Variants in PARD6G observed in about 807,000 individuals in gnomAD.
The protein encoded by PARD6G is partitioning defective 6 homolog gamma.
Under a neutral mutation model 10.7 loss-of-function variants are expected in PARD6G, and 7 were observed. That is an observed-to-expected ratio of 0.66 (90% CI 0.37 to 1.23). The LOEUF (loss-of-function observed/expected upper bound fraction) is 1.23, where lower values mean the gene tolerates loss of function less well. Among genes scored for constraint, PARD6G ranks in the 50% most tolerant of loss-of-function variants. PARD6G has a pLI of 0.02. For synonymous variants in PARD6G, 287 were observed against 269.4 expected, an observed-to-expected ratio of 1.07 and a Z score of -0.64; for missense variants, 548 against 571.8, an observed-to-expected ratio of 0.96 and a Z score of 0.42.
chr18:80,191,608 T>G (rs1447709394), intron 2 of PARD6G, among the ~76,000 whole-genome samples: 1 of 152,196 alleles, frequency 6.6e-6, no homozygotes, highest in African/African-American at 2.4e-5. Flanking sequence ...ACAAGAAATT[T>G]TCTTGAAAAA....
At chr18:80,216,171 A>G (rs1286152662) in intron 1 of PARD6G, among the ~76,000 whole-genome samples, 1 of 152,198 alleles carries the variant, frequency 6.6e-6, no homozygotes, top group African/African-American at 2.4e-5. Context: ...CAGTTCAACA[A>G]TAAATGTTGG....
chr18:80,196,890 TA>T (rs572719232), intron 2 of PARD6G, among the ~76,000 whole-genome samples: 2,915 of 88,048 alleles, frequency 0.033, 58 homozygotes, highest in African/African-American at 0.086. Flanking sequence ...TTTCTTTTAT[TA>T]AAAAAAAAAA....
At chr18:80,216,515 A>G (rs572653524) in intron 1 of PARD6G, among the ~76,000 whole-genome samples, 9 of 152,146 alleles carry the variant, frequency 5.9e-5, no homozygotes, top group Non-Finnish European at 1.3e-4. Context: ...ACCCCTAAAT[A>G]ACCTATGGAA....
chr18:80,178,593 G>T (rs1367231414), intron 2 of PARD6G, among the ~76,000 whole-genome samples: 4 of 152,196 alleles, frequency 2.6e-5, no homozygotes, highest in Admixed American at 2.0e-4. Context: ...CTCCGACCAT[G>T]GCACTTTGGT....
At chr18:80,172,379 C>CTT (rs796958659) in intron 2 of PARD6G, among the ~76,000 whole-genome samples, 29 of 134,906 alleles carry the variant, frequency 2.1e-4, no homozygotes, top group African/African-American at 3.8e-4. Context: ...GGTTGTATGT[C>CTT]TTTTTTTTTT....
intron 1 of PARD6G, among the ~76,000 whole-genome samples, chr18:80,238,507 T>C (rs574747760): frequency 5.3e-5 from 8 of 151,260 alleles, no homozygotes; most frequent in African/African-American, 1.5e-4. Flanking sequence ...AAAAAACAAC[T>C]ATTTTTTTAA....
chr18:80,161,922 T>G lies in PARD6G; in HGVS notation c.296-1316A>C, dbSNP rs2052703228. The stretch of plus-strand genomic sequence containing the variant: ...GATGGGGAATGCTGGTTGACAGTTC[T>G]GGAAAGGACTCGAAGACAAATTACT... On this transcript the variant is annotated intron_variant, in intron 2 of 2. Coordinates refer to ENST00000353265, the MANE Select transcript of PARD6G (RefSeq NM_032510.4). The surrounding 1 kb of genome is among the most constrained non-coding windows in gnomAD (Gnocchi z 4.6). 1 of 152,316 alleles carries G rather than the reference T, an allele frequency of 6.6e-6. No individual in the cohort carries two copies. The highest frequency in any genetic ancestry group is 1.5e-5 in the Non-Finnish European group (1 of 68,112). 9.4% of individuals were successfully genotyped at this position (152,316 alleles called of 1,614,324 possible).
intron 2 of PARD6G, among the ~76,000 whole-genome samples, chr18:80,174,688 C>T (rs1056234781): frequency 3.9e-5 from 6 of 152,150 alleles, no homozygotes; most frequent in Non-Finnish European, 8.8e-5. Flanking sequence ...GGTGCGGTGG[C>T]TCACGCCTGT....
Position 80,247,294 on chromosome 18 carries a change from C to T in PARD6G, c.55G>A (p.Val19Met). The T allele has an allele frequency of 6.3e-7, 1 of 1,582,726 alleles. No homozygotes were observed. Among genetic ancestry groups the T allele is most frequent in the Non-Finnish European group, 8.6e-7 (1 of 1,165,414 alleles). ...QTLRFYDCSA[V>M]EVKSKFGAEF... ...GGGCTTACCTTGCTCTTGACTTCCA[C>T]TGCGCTGCAATCGTAGAATCGCAAG... The change falls in exon 1 of 3, where the codon GTG becomes ATG. Residue 19 changes from valine to methionine, a missense_variant. By Grantham distance (21) the Val-to-Met change is conservative. This residue lies in a region of PARD6G where 235 missense variants were observed against 291.9 expected (regional missense o/e 0.81). Coordinates refer to ENST00000353265, the MANE Select transcript of PARD6G (RefSeq NM_032510.4). This position sits in a 1 kb window ranked among gnomAD's most constrained non-coding sequence, Gnocchi z 4.2.
chr18:80,200,056 TA>T lies in PARD6G; in HGVS notation c.295+2653del, dbSNP rs1966994736. Among the ~76,000 whole-genome samples, 3 of 152,296 alleles carry T rather than the reference TA, an allele frequency of 2.0e-5. No individual in the cohort carries two copies. Among genetic ancestry groups the T allele is most frequent in the African/African-American group, 7.2e-5 (3 of 41,554 alleles). Reference sequence around the variant, plus strand: ...AATTCCCTCTTAACATATATTTAAATAAAATACGTCCGTGTACAGAAAGTTA... The same window carrying T: ...AATTCCCTCTTAACATATATTTAAATAAATACGTCCGTGTACAGAAAGTTA... On this transcript the variant is annotated intron_variant, in intron 2 of 2. Coordinates refer to ENST00000353265, the MANE Select transcript of PARD6G (RefSeq NM_032510.4). This position sits in a 1 kb window ranked among gnomAD's most constrained non-coding sequence, Gnocchi z 4.4.
In PARD6G at chr18:80,161,864, G is replaced by A. The variant is rs1444093798; in HGVS notation, c.296-1258C>T. On this transcript the variant is annotated intron_variant, in intron 2 of 2. Coordinates refer to ENST00000353265, the MANE Select transcript of PARD6G (RefSeq NM_032510.4). This position sits in a 1 kb window ranked among gnomAD's most constrained non-coding sequence, Gnocchi z 4.6. The stretch of plus-strand genomic sequence containing the variant: ...GTCAGTCTGGCTTCTGCATTTCAGT[G>A]AGCAGGCAGGGCCCATTATGACTTG... 1.3e-5 allele frequency: 2 copies of A among 152,258 alleles called. No individual in the cohort carries two copies. Among genetic ancestry groups the A allele is most frequent in the African/African-American group, 2.4e-5 (1 of 41,448 alleles). 9.4% of individuals were successfully genotyped at this position (152,258 alleles called of 1,614,324 possible).
At chr18:80,225,708 C>A (rs1178926845) in intron 1 of PARD6G, among the ~76,000 whole-genome samples, 1 of 152,192 alleles carries the variant, frequency 6.6e-6, no homozygotes, top group African/African-American at 2.4e-5. Flanking sequence ...CAAATCAAGA[C>A]AGTGTTGCCT....
chr18:80,170,595 G>A (rs1252038863), intron 2 of PARD6G: 1 of 152,342 alleles, frequency 6.6e-6, no homozygotes, highest in African/African-American at 2.4e-5. Flanking sequence ...TGCAGGGCGT[G>A]TGCCAGAGGC....
intron 2 of PARD6G, among the ~76,000 whole-genome samples, chr18:80,186,119 C>G (rs757704755): frequency 6.9e-6 from 1 of 145,720 alleles, no homozygotes; most frequent in African/African-American, 2.6e-5. Flanking sequence ...CACCCTCACA[C>G]GCACCCACAC....
chr18:80,246,827 C>T lies in PARD6G; in HGVS notation c.72+450G>A, dbSNP rs1424635498. Among the ~76,000 whole-genome samples the T allele has an allele frequency of 2.0e-5, 3 of 152,022 alleles. No homozygotes were observed. Among genetic ancestry groups the T allele is most frequent in the Non-Finnish European group, 4.4e-5 (3 of 67,970 alleles). On this transcript the variant is annotated intron_variant, in intron 1 of 2. Coordinates refer to ENST00000353265, the MANE Select transcript of PARD6G (RefSeq NM_032510.4). This position sits in a 1 kb window ranked among gnomAD's most constrained non-coding sequence, Gnocchi z 6.7. ...TCTCCTCCTGGCAGGTAACAAGCCT[C>T]CTTTGCAGCCTTGAAGGCGCCTTGG...
chr18:80,187,139 GGGTTACTCTAAT>G (rs2052884438), intron 2 of PARD6G, among the ~76,000 whole-genome samples: 3 of 151,950 alleles, frequency 2.0e-5, no homozygotes, highest in Admixed American at 2.0e-4. Flanking sequence ...AATCCACTAA[GGGTTACTCTAAT>G]GGTCTGACAC....
In PARD6G at chr18:80,246,774, G is replaced by T. The variant is rs1332293478; in HGVS notation, c.72+503C>A. On this transcript the variant is annotated intron_variant, in intron 1 of 2. Coordinates refer to ENST00000353265, the MANE Select transcript of PARD6G (RefSeq NM_032510.4). This position sits in a 1 kb window ranked among gnomAD's most constrained non-coding sequence, Gnocchi z 6.7. The stretch of plus-strand genomic sequence containing the variant: ...AGATGTTTGGTACCGAGCGGGTGGG[G>T]GACGCCGGGCTCGGAGCCGGCGGCA... Among the ~76,000 whole-genome samples, 1 of 152,030 alleles carries T rather than the reference G, an allele frequency of 6.6e-6. No homozygotes were observed. The highest frequency in any genetic ancestry group is 2.4e-5 in the African/African-American group (1 of 41,414).
chr18:80,190,634 A>G (rs188564313), intron 2 of PARD6G, among the ~76,000 whole-genome samples: 2 of 152,284 alleles, frequency 1.3e-5, no homozygotes, highest in Admixed American at 6.5e-5. Flanking sequence ...CGGCCTCTCC[A>G]GGATTCAGTT....
At chr18:80,203,073 C>A in intron 1 of PARD6G, 141 bp from the exon 2 acceptor site, 1 of 605,458 alleles carries the variant, frequency 1.7e-6, no homozygotes, top group Non-Finnish European at 3.0e-6. Flanking sequence ...CTGATAGACA[C>A]ATAAGTTGAT....
Sources: gnomAD v4.1 joint callset for allele counts (sites outside exome capture counted in the v4.1 genomes callset) on GRCh38, gnomAD v4.1.1 for gene constraint, gnomAD v4.1.1 regional missense constraint, Gnocchi (gnomAD v3.1) non-coding constraint, MANE v1.5 for transcripts, NCBI Gene and HGNC (gene_info 2026-07-23, HGNC 2026-07-21) for gene names.